HPSE: variants seen among roughly 807,000 people sequenced by gnomAD.
The protein encoded by HPSE is endo-glucoronidase.
HPSE carries 48 observed loss-of-function variants against 65.1 expected under a neutral mutation model. The ratio of observed to expected loss-of-function variants is 0.74; its 90% CI spans 0.58 to 0.94. HPSE has a LOEUF of 0.94. Ranked by LOEUF, HPSE falls within the 40% of genes least tolerant of loss-of-function variation. The pLI is 0.00. For synonymous variants in HPSE, 243 were observed against 260.0 expected (o/e 0.93, Z 0.63); for missense variants, 644 against 637.5 (o/e 1.01, Z -0.11).
chr4:83,302,289 G>T, intron 9 of HPSE, 21 bp from the exon 10 acceptor site: 1 of 1,491,110 alleles, frequency 6.7e-7, no homozygotes. Flanking sequence ...TGGTTGGGGA[G>T]AAAGAGACAA....
chr4:83,317,642 AC>A (rs1163715725), intron 3 of HPSE, among the ~76,000 whole-genome samples: 3 of 152,224 alleles, frequency 2.0e-5, no homozygotes, highest in Admixed American at 6.5e-5. Flanking sequence ...CATTTTGGTA[AC>A]AGAAAGATCC....
intron 8 of HPSE, among the ~76,000 whole-genome samples, chr4:83,308,316 G>T (rs532317891): frequency 6.6e-6 from 1 of 152,266 alleles, no homozygotes; most frequent in South Asian, 2.1e-4. Context: ...TGAGGCAGGA[G>T]AATCGCTTCA....
chr4:83,318,139 TA>T (rs944359567), intron 3 of HPSE, among the ~76,000 whole-genome samples: 21 of 152,280 alleles, frequency 1.4e-4, no homozygotes, highest in African/African-American at 5.1e-4. Flanking sequence ...GATAATTAAT[TA>T]AAATAATATA....
Position 83,322,227 on chromosome 4 carries a change from A to C in HPSE, c.365T>G (p.Val122Gly). ...FEERSYWQSQ[V>G]NQDICKYGSI... ...TCTTTAAAAATTTTCACCCTGGTTG[A>C]CTTGAGATTGCCAGTAACTTCTCTC... Residue 122 changes from valine (V) to glycine (G), a missense_variant, in exon 2 of 12, where the codon GTC becomes GGC. Val to Gly is a moderately radical substitution (Grantham distance 109, BLOSUM62 -3). Transcript: ENST00000311412. The C allele has an allele frequency of 1.9e-6, 3 of 1,613,108 alleles. No individual in the cohort carries two copies. The highest frequency in any genetic ancestry group is 2.5e-6 in the Non-Finnish European group (3 of 1,179,596).
At chr4:83,323,064 A>G (rs1448576860) in intron 1 of HPSE, among the ~76,000 whole-genome samples, 1 of 152,114 alleles carries the variant, frequency 6.6e-6, no homozygotes, top group Admixed American at 6.5e-5. Flanking sequence ...ATGATAGAAT[A>G]GAAACTAAGG....
chr4:83,314,277 C>CAAAAA (rs34348231), intron 3 of HPSE, among the ~76,000 whole-genome samples: 5 of 144,864 alleles, frequency 3.5e-5, no homozygotes, highest in East Asian at 4.0e-4. Context: ...AACAAAAAAA[C>CAAAAA]AAACAAAAAA....
intron 3 of HPSE, among the ~76,000 whole-genome samples, chr4:83,317,711 G>A (rs1263947498): frequency 6.6e-6 from 1 of 151,832 alleles, no homozygotes; most frequent in East Asian, 1.9e-4. Flanking sequence ...TGTTTAATGC[G>A]ACCCCCCAAG....
Position 83,295,210 on chromosome 4 carries a change from A to T in HPSE, c.*134T>A. ...ATCAAAATACTGTGCTAAATCTAGCACTGACAGTGTCCCAGTGTCTCTCAA... is the reference window on the plus strand; with the variant it reads ...ATCAAAATACTGTGCTAAATCTAGCTCTGACAGTGTCCCAGTGTCTCTCAA... On this transcript the variant is annotated 3_prime_UTR_variant, in exon 12 of 12. Transcript: ENST00000311412. The T allele has an allele frequency of 6.4e-6, 4 of 629,662 alleles. No individual in the cohort carries two copies. The highest frequency in any genetic ancestry group is 1.1e-5 in the Non-Finnish European group (4 of 363,980). The allele number at this position is 629,662 out of a possible 1,614,324, so 39.0% of individuals were successfully genotyped here.
chr4:83,304,023 A>AC (rs1736060901), intron 9 of HPSE, among the ~76,000 whole-genome samples: 1 of 150,440 alleles, frequency 6.6e-6, no homozygotes. Flanking sequence ...ACAGGAGAAA[A>AC]CAAACAGAAG....
At chr4:83,332,402 G>A (rs946533614) in intron 1 of HPSE, among the ~76,000 whole-genome samples, 7 of 152,242 alleles carry the variant, frequency 4.6e-5, no homozygotes, top group African/African-American at 1.4e-4. Flanking sequence ...TTGTCGATGC[G>A]TCTGGGGAGC....
chr4:83,310,848 C>G lies in HPSE; in HGVS notation c.716G>C (p.Gly239Ala). The change falls in exon 5 of 12, where the codon GGG becomes GCG. Residue 239 changes from glycine to alanine, a missense_variant. Coordinates refer to ENST00000311412, the MANE Select transcript of HPSE (RefSeq NM_001098540.3). ...AATAAAATCTTCTCCTAACTGCGAC[C>G]CATTGATGAAAATATCAGCCTTCTT... ...FLKKADIFIN[G>A]SQLGEDFIQL... The G allele has an allele frequency of 6.2e-7, 1 of 1,613,672 alleles. No individual in the cohort carries two copies. Among genetic ancestry groups the G allele is most frequent in the Non-Finnish European group, 8.5e-7 (1 of 1,179,728 alleles).
rs60575393 is a variant in HPSE, at chr4:83,323,504, AAC to A, written c.228-1142_228-1141del. Among the ~76,000 whole-genome samples the A allele has an allele frequency of 2.4e-3, 366 of 150,062 alleles. 2 individuals are homozygous for A. Among genetic ancestry groups the A allele is most frequent in the East Asian group, 4.7e-3 (24 of 5,070 alleles). On this transcript the variant is annotated intron_variant, in intron 1 of 11. Transcript: ENST00000311412. ...GCTCTAAAAAATAAAGTCTATTTAA[AAC>A]ACACACACACACACACACACACACA...
At chr4:83,324,031 C>T (rs1394054265) in intron 1 of HPSE, among the ~76,000 whole-genome samples, 3 of 151,288 alleles carry the variant, frequency 2.0e-5, no homozygotes, top group Non-Finnish European at 2.9e-5. Flanking sequence ...TTGGAATGGC[C>T]TAATTAGTTT....
At chr4:83,300,589 C>T (rs62303677) in intron 11 of HPSE, among the ~76,000 whole-genome samples, 52,312 of 62,168 alleles carry the variant, frequency 0.84, 23,939 homozygotes, top group East Asian at 1. Flanking sequence ...ACGAGGCGGG[C>T]AGATCACGAG....
intron 1 of HPSE, among the ~76,000 whole-genome samples, chr4:83,323,622 C>T (rs1737013577): frequency 6.6e-6 from 1 of 152,188 alleles, no homozygotes; most frequent in Admixed American, 6.5e-5. Flanking sequence ...CTCTTCTTAA[C>T]TCCTGCCTCC....
intron 4 of HPSE, among the ~76,000 whole-genome samples, chr4:83,312,570 C>T (rs112372975): frequency 2.6e-3 from 387 of 146,704 alleles, no homozygotes; most frequent in African/African-American, 9.2e-3. Flanking sequence ...CCCAGCTACT[C>T]GGGAGGCTGA....
chr4:83,327,465 C>A (rs998012197), intron 1 of HPSE, among the ~76,000 whole-genome samples: 4 of 151,986 alleles, frequency 2.6e-5, no homozygotes, highest in Non-Finnish European at 5.9e-5. Flanking sequence ...TAAAACTGAT[C>A]AAAGGTACAG....
chr4:83,323,851 C>T (rs951529816), intron 1 of HPSE, among the ~76,000 whole-genome samples: 1 of 152,088 alleles, frequency 6.6e-6, no homozygotes, highest in African/African-American at 2.4e-5. Flanking sequence ...AATCCCTTCC[C>T]TCAAAAAGAT....
intron 1 of HPSE, 151 bp downstream of exon 1, chr4:83,334,405 G>T: frequency 1.2e-6 from 1 of 859,946 alleles, no homozygotes; most frequent in Non-Finnish European, 1.8e-6. Flanking sequence ...GGGAGAGGGA[G>T]AATGAGAGGC....
Sources: allele counts gnomAD v4.1 joint callset (sites outside exome capture counted in the v4.1 genomes callset), GRCh38; gene constraint gnomAD v4.1.1; transcripts MANE v1.5; gene names NCBI Gene and HGNC (gene_info 2026-07-23, HGNC 2026-07-21).